The following SH3KBP1 variants were observed in gnomAD, a reference collection of about 807,000 sequenced individuals.
SH3KBP1 encodes SH3 domain-containing kinase-binding protein 1.
SH3KBP1 carries 8 observed loss-of-function variants against 50.1 expected under a neutral mutation model. The ratio of observed to expected loss-of-function variants is 0.16; its 90% CI spans 0.09 to 0.29. SH3KBP1 has a LOEUF of 0.29. SH3KBP1 is among the 10% of genes least tolerant of loss of function. SH3KBP1 has a pLI of 1.00. For synonymous variants in SH3KBP1, 227 were observed against 218.6 expected (o/e 1.04, Z -0.34); for missense variants, 377 against 535.2 (o/e 0.70, Z 2.92).
chrX:19,777,757 TAGTTCTCAAAGTGG>T (rs2066025421), intron 2 of SH3KBP1, among the ~76,000 whole-genome samples: 1 of 111,002 alleles, frequency 9.0e-6, no homozygotes, highest in African/African-American at 3.3e-5. Context: ...GCCAGAGCAG[TAGTTCTCAAAGTGG>T]AGTTCCACAC....
chrX:19,691,399 A>T (rs768110957), intron 5 of SH3KBP1, among the ~76,000 whole-genome samples: 7 of 100,125 alleles, frequency 7.0e-5, no homozygotes, highest in East Asian at 6.0e-4. Flanking sequence ...ATATATATAT[A>T]TTTTCAGGTT....
chrX:19,886,102 T>C (rs971866150), intron 1 of SH3KBP1, among the ~76,000 whole-genome samples: 5 of 111,636 alleles, frequency 4.5e-5, no homozygotes, highest in Non-Finnish European at 7.5e-5. Context: ...GTGAAAAAAG[T>C]GACATTTAAG....
intron 3 of SH3KBP1, among the ~76,000 whole-genome samples, chrX:19,721,535 A>G (rs960041182): frequency 1.2e-4 from 14 of 112,082 alleles, no homozygotes; most frequent in African/African-American, 4.5e-4. Flanking sequence ...TTTTTGTACT[A>G]TTTTGACAAC....
rs1161933593 is a variant in SH3KBP1, at chrX:19,565,053, T to A, written c.1384+4050A>T. Among the ~76,000 whole-genome samples, 3 of 80,529 alleles carry A rather than the reference T, an allele frequency of 3.7e-5. No individual in the cohort carries two copies. The East Asian group carries it at 1.1e-3, about 29-fold the overall frequency. The allele number at this position is 80,529 out of a possible 115,157, so 69.9% of individuals were successfully genotyped here. On this transcript the variant is annotated intron_variant, in intron 13 of 17. Transcript: ENST00000397821. ...AGAGAGACCTGGCTTCAACTCCAAT[T>A]TTTTTTTTTTTTTTTTTTTTTTTTT...
intron 1 of SH3KBP1, among the ~76,000 whole-genome samples, chrX:19,869,937 G>A (rs1291465585): frequency 8.9e-6 from 1 of 111,952 alleles, no homozygotes; most frequent in East Asian, 2.8e-4. Context: ...ACATACACCA[G>A]AGACATTCAT....
chrX:19,684,078 C>T (rs1453138808), intron 5 of SH3KBP1, 50 bp from the exon 6 acceptor site: 12 of 1,063,457 alleles, frequency 1.1e-5, no homozygotes, highest in East Asian at 3.0e-5. Flanking sequence ...TCAGCCAGAG[C>T]CCTGAAGAAG....
At chrX:19,593,459 C>T (rs1311333894) in intron 10 of SH3KBP1, among the ~76,000 whole-genome samples, 1 of 110,818 alleles carries the variant, frequency 9.0e-6, no homozygotes, top group Non-Finnish European at 1.9e-5. Context: ...GGAAAGTTGA[C>T]GAGGGAGAAA....
chrX:19,703,831 T>C (rs2063587446), intron 4 of SH3KBP1, among the ~76,000 whole-genome samples: 1 of 108,798 alleles, frequency 9.2e-6, no homozygotes, highest in Non-Finnish European at 1.9e-5. Context: ...ACAATACATG[T>C]TATATTTTAT....
intron 10 of SH3KBP1, 134 bp downstream of exon 10, chrX:19,594,815 C>A: frequency 2.0e-6 from 1 of 495,784 alleles, no homozygotes; most frequent in Non-Finnish European, 3.6e-6. Context: ...CCTGCTGAGA[C>A]CAAATCGTAA....
intron 6 of SH3KBP1, among the ~76,000 whole-genome samples, chrX:19,681,646 A>G (rs2063055132): frequency 9.0e-6 from 1 of 111,209 alleles, no homozygotes; most frequent in Non-Finnish European, 1.9e-5. Flanking sequence ...GTGGGCAGGT[A>G]GATGCAGAGT....
chrX:19,717,054 G>A (rs2063928867), intron 3 of SH3KBP1, among the ~76,000 whole-genome samples: 5 of 111,009 alleles, frequency 4.5e-5, no homozygotes, highest in African/African-American at 1.6e-4. Context: ...ATGGCAATGG[G>A]GAGGGGTCCC....
At chrX:19,823,799 G>A (rs967985452) in intron 2 of SH3KBP1, among the ~76,000 whole-genome samples, 9 of 111,810 alleles carry the variant, frequency 8.0e-5, no homozygotes, top group African/African-American at 1.9e-4. Context: ...CAGAAGTTCC[G>A]CAATTAGAAT....
chrX:19,561,072 T>TCAAAAAAAA (rs1290285582), intron 13 of SH3KBP1, among the ~76,000 whole-genome samples: 1 of 48,114 alleles, frequency 2.1e-5, no homozygotes, highest in Non-Finnish European at 4.1e-5. Context: ...AGACCCTGTC[T>TCAAAAAAAA]AAAAAAAAAA....
At chrX:19,835,657 C>A (rs1451012405) in intron 2 of SH3KBP1, among the ~76,000 whole-genome samples, 1 of 108,446 alleles carries the variant, frequency 9.2e-6, no homozygotes, top group African/African-American at 3.4e-5. Flanking sequence ...CAGCTCACTG[C>A]AACCTCTGCC....
intron 16 of SH3KBP1, among the ~76,000 whole-genome samples, chrX:19,539,000 T>C (rs1476429232): frequency 8.9e-6 from 1 of 112,432 alleles, no homozygotes; most frequent in African/African-American, 3.2e-5. Flanking sequence ...GTAAAATAAT[T>C]GGAGTAATGG....
At chrX:19,881,478 C>T (rs1455023252) in intron 1 of SH3KBP1, among the ~76,000 whole-genome samples, 1 of 112,088 alleles carries the variant, frequency 8.9e-6, no homozygotes. Flanking sequence ...CAGTCTGAGG[C>T]GTCTAAGACA....
At chrX:19,582,063 A>G (rs2066392223) in intron 12 of SH3KBP1, among the ~76,000 whole-genome samples, 1 of 111,297 alleles carries the variant, frequency 9.0e-6, no homozygotes, top group Non-Finnish European at 1.9e-5. Context: ...CCAACTGCCT[A>G]TCTTCGAAAG....
intron 2 of SH3KBP1, among the ~76,000 whole-genome samples, chrX:19,759,379 T>G (rs1344009250): frequency 8.9e-6 from 1 of 111,872 alleles, no homozygotes; most frequent in Non-Finnish European, 1.9e-5. Context: ...GACTTTAGTA[T>G]AAACTTTTGG....
intron 8 of SH3KBP1, among the ~76,000 whole-genome samples, chrX:19,623,929 G>T (rs1431068585): frequency 8.9e-6 from 1 of 111,871 alleles, no homozygotes; most frequent in East Asian, 2.8e-4. Flanking sequence ...CAGTTACCAG[G>T]CATTTGTCTT....
Sources: allele counts gnomAD v4.1 joint callset (sites outside exome capture counted in the v4.1 genomes callset), GRCh38; gene constraint gnomAD v4.1.1; transcripts MANE v1.5; gene names NCBI Gene and HGNC (gene_info 2026-07-23, HGNC 2026-07-21).